The following BBS12 variants were observed in gnomAD, a reference collection of about 807,000 sequenced individuals.
BBS12 encodes the protein chaperonin-containing T-complex member BBS12.
A neutral mutation model predicts 5.6 loss-of-function variants in BBS12; 5 were observed. The ratio of observed to expected loss-of-function variants is 0.89; its 90% CI spans 0.46 to 1.86. The LOEUF (loss-of-function observed/expected upper bound fraction) is 1.86, where lower values mean the gene tolerates loss of function less well. Among genes scored for constraint, BBS12 ranks in the 40% most tolerant of loss-of-function variants. The pLI, the probability that BBS12 is intolerant of heterozygous loss-of-function variation, is 0.01. For synonymous variants in BBS12, 308 were observed against 306.8 expected, an observed-to-expected ratio of 1.00 and a Z score of -0.04; for missense variants, 748 against 830.4, an observed-to-expected ratio of 0.90 and a Z score of 1.22.
At chr4:122,716,575 A>G in the BBS12 span, among the ~76,000 whole-genome samples, 2 of 149,128 alleles carry the variant, frequency 1.3e-5, no homozygotes, top group Non-Finnish European at 3.0e-5. Flanking sequence ...ATATAAACAT[A>G]TGTATATATA....
At chr4:122,721,848 T>C in the BBS12 span, among the ~76,000 whole-genome samples, 1 of 152,156 alleles carries the variant, frequency 6.6e-6, no homozygotes, top group African/African-American at 2.4e-5. Flanking sequence ...AGCAAGTCAC[T>C]GAAGACATCC....
chr4:122,742,825 C>T lies in BBS12; in HGVS notation c.933C>T (p.Asp311=), dbSNP rs777668587. The T allele has an allele frequency of 3.7e-6, 6 of 1,614,088 alleles. No homozygotes were observed. The East Asian group carries it at 1.3e-4, about 36-fold the overall frequency. Residue 311 remains aspartate, a synonymous_variant, in exon 2 of 2, where the codon GAC becomes GAT. Coordinates refer to ENST00000314218, the MANE Select transcript of BBS12 (RefSeq NM_152618.3). Reference sequence around the variant, plus strand: ...ACTGTACAAAACCATTTATGTTTGACATTTCAAGAATTTTCACTTGCTGTC... The same window carrying T: ...ACTGTACAAAACCATTTATGTTTGATATTTCAAGAATTTTCACTTGCTGTC... ...QGNCTKPFMF[D]ISRIFTCCLP...
At chr4:122,720,166 A>G in the BBS12 span, among the ~76,000 whole-genome samples, 1 of 152,246 alleles carries the variant, frequency 6.6e-6, no homozygotes, top group Non-Finnish European at 1.5e-5. Flanking sequence ...AAGATCATTA[A>G]TGTGTTCAAT....
rs1800932585 is a variant in BBS12 at position 122,743,679 on chromosome 4, A to G, written c.1787A>G (p.Gln596Arg). ...TVLKFLANGW[Q>R]KYLSTLLYNT... is the part of the protein sequence containing the mutation. ...CTTAAATTCCTGGCAAATGGATGGCAGAAATACCTTTCAACTCTCCTATAT... is the reference window on the plus strand; with the variant it reads ...CTTAAATTCCTGGCAAATGGATGGCGGAAATACCTTTCAACTCTCCTATAT... Residue 596 changes from glutamine (Q) to arginine (R), a missense_variant, in exon 2 of 2, where the codon CAG (glutamine) becomes CGG (arginine). Gln to Arg is a conservative substitution (Grantham distance 43). Coordinates refer to ENST00000314218, the MANE Select transcript of BBS12 (RefSeq NM_152618.3). The G allele has an allele frequency of 6.2e-7, 1 of 1,614,214 alleles. No individual in the cohort carries two copies. Among genetic ancestry groups the G allele is most frequent in the South Asian group, 1.1e-5 (1 of 91,086 alleles).
At chr4:122,725,764 G>A in the BBS12 span, among the ~76,000 whole-genome samples, 1 of 151,928 alleles carries the variant, frequency 6.6e-6, no homozygotes, top group Non-Finnish European at 1.5e-5. Flanking sequence ...TGGGTGTGGT[G>A]GCACGAGCCT....
upstream of BBS12, among the ~76,000 whole-genome samples, chr4:122,728,102 T>A (rs1800647759): frequency 6.6e-6 from 1 of 152,192 alleles, no homozygotes; most frequent in African/African-American, 2.4e-5. Flanking sequence ...GAAGGCAATA[T>A]CTATCAAAAA....
At chr4:122,734,694 T>G (rs1800759746) in intron 1 of BBS12, among the ~76,000 whole-genome samples, 1 of 152,210 alleles carries the variant, frequency 6.6e-6, no homozygotes, top group African/African-American at 2.4e-5. Context: ...TAATGACAAT[T>G]AAATGGCGGA....
rs2150736847 is a variant in BBS12 at position 122,742,975 on chromosome 4, T to A, written c.1083T>A (p.Gly361=). The change falls in exon 2 of 2, where the codon GGT becomes GGA. Residue 361 remains glycine, a synonymous_variant. Coordinates refer to ENST00000314218, the MANE Select transcript of BBS12 (RefSeq NM_152618.3). ...NQPVRIVLIE[G]DLTENYRHLG... is the part of the protein sequence containing the mutation. Reference sequence around the variant, plus strand: ...CTGTGCGAATAGTTCTCATTGAGGGTGACCTCACAGAGAATTACCGCCACC... The same window carrying A: ...CTGTGCGAATAGTTCTCATTGAGGGAGACCTCACAGAGAATTACCGCCACC... 1 of 1,614,164 alleles carries A rather than the reference T, an allele frequency of 6.2e-7. No individual in the cohort carries two copies.
the BBS12 span, among the ~76,000 whole-genome samples, chr4:122,708,016 CT>C: frequency 0.42 from 55,660 of 131,132 alleles, 11,191 homozygotes; most frequent in East Asian, 0.61. Flanking sequence ...TTTTTCTTTC[CT>C]TTTTTTTTTT....
the BBS12 span, among the ~76,000 whole-genome samples, chr4:122,718,964 C>T: frequency 5.3e-5 from 8 of 152,196 alleles, no homozygotes; most frequent in South Asian, 8.3e-4. Flanking sequence ...GGACTACAGG[C>T]GCCCACCACC....
At chr4:122,708,137 G>A in the BBS12 span, among the ~76,000 whole-genome samples, 12 of 151,536 alleles carry the variant, frequency 7.9e-5, no homozygotes, top group African/African-American at 2.4e-4. Flanking sequence ...TCAGCCTCCC[G>A]AGTAGCTGGG....
At chr4:122,701,583 A>G in the BBS12 span, among the ~76,000 whole-genome samples, 1 of 152,218 alleles carries the variant, frequency 6.6e-6, no homozygotes, top group Non-Finnish European at 1.5e-5. Flanking sequence ...TTTTTCATTA[A>G]TAGTGATGAA....
chr4:122,716,649 G>A, the BBS12 span, among the ~76,000 whole-genome samples: 1,328 of 107,150 alleles, frequency 0.012, 106 homozygotes, highest in Admixed American at 0.017. Context: ...ACACACGTGT[G>A]TGTATATGCA....
intron 1 of BBS12, among the ~76,000 whole-genome samples, chr4:122,741,406 C>T (rs1341368320): frequency 1.3e-5 from 2 of 152,092 alleles, no homozygotes; most frequent in Admixed American, 6.5e-5. Context: ...AGGCTGGTCT[C>T]GAACCCCTGA....
chr4:122,727,560 T>C, the BBS12 span, among the ~76,000 whole-genome samples: 1 of 100,518 alleles, frequency 9.9e-6, no homozygotes, highest in South Asian at 3.8e-4. Context: ...TTTTTTTTTT[T>C]TTTTTTTGAG....
At chr4:122,702,579 C>A in the BBS12 span, among the ~76,000 whole-genome samples, 1 of 152,228 alleles carries the variant, frequency 6.6e-6, no homozygotes, top group Non-Finnish European at 1.5e-5. Context: ...GAGGCACATG[C>A]ATTGCAGGCT....
the BBS12 span, among the ~76,000 whole-genome samples, chr4:122,721,359 TA>T: frequency 6.6e-6 from 1 of 152,144 alleles, no homozygotes; most frequent in Non-Finnish European, 1.5e-5. Flanking sequence ...ATGAGGGAGA[TA>T]AACAGAGCTA....
At chr4:122,717,919 G>A in the BBS12 span, among the ~76,000 whole-genome samples, 115 of 152,302 alleles carry the variant, frequency 7.6e-4, no homozygotes, top group African/African-American at 2.4e-3. Flanking sequence ...AGGTAGTAGA[G>A]GATCGTGGTT....
the BBS12 span, among the ~76,000 whole-genome samples, chr4:122,710,815 A>G: frequency 6.6e-6 from 1 of 152,034 alleles, no homozygotes; most frequent in Admixed American, 6.6e-5. Flanking sequence ...CTCACCACTC[A>G]GTTCCTTCTT....
Sources: gnomAD v4.1 joint callset for allele counts (sites outside exome capture counted in the v4.1 genomes callset) on GRCh38, gnomAD v4.1.1 for gene constraint, MANE v1.5 for transcripts, NCBI Gene and HGNC (gene_info 2026-07-23, HGNC 2026-07-21) for gene names.